The following BEAN1 variants were observed in gnomAD, a reference collection of about 807,000 sequenced individuals.
BEAN1 encodes brain expressed associated with NEDD4 1.
In BEAN1, 17 loss-of-function variants were observed where a neutral mutation model predicts 17.7. That is an observed-to-expected ratio of 0.96 (90% CI 0.66 to 1.44). BEAN1 has a LOEUF of 1.44. Among genes scored for constraint, BEAN1 ranks in the 40% most tolerant of loss-of-function variants. BEAN1 has a pLI of 0.00. For missense variants in BEAN1, 359 were observed against 374.1 expected, an observed-to-expected ratio of 0.96 and a Z score of 0.33; for synonymous variants, 142 against 151.8, an observed-to-expected ratio of 0.94 and a Z score of 0.47.
intron 2 of BEAN1, among the ~76,000 whole-genome samples, chr16:66,438,903 C>T (rs972039096): frequency 2.0e-5 from 3 of 152,146 alleles, no homozygotes; most frequent in Non-Finnish European, 4.4e-5. Flanking sequence ...TCTGTGAAAT[C>T]AGAGACCCTA....
intron 1 of BEAN1, among the ~76,000 whole-genome samples, chr16:66,437,209 A>C (rs1289641563): frequency 6.6e-6 from 1 of 152,192 alleles, no homozygotes; most frequent in African/African-American, 2.4e-5. Context: ...TCCAGGTCTC[A>C]GTGTTCCCAG....
At chr16:66,453,573 G>A (rs1248602865) in intron 2 of BEAN1, among the ~76,000 whole-genome samples, 1 of 152,090 alleles carries the variant, frequency 6.6e-6, no homozygotes, top group East Asian at 1.9e-4. Flanking sequence ...TGTTGCCCAA[G>A]CTGGTGTCAA....
chr16:66,449,180 G>T (rs1962572227), intron 2 of BEAN1, among the ~76,000 whole-genome samples: 2 of 151,870 alleles, frequency 1.3e-5, no homozygotes, highest in South Asian at 2.1e-4. Context: ...TTTCTTTCAG[G>T]TCTGGCTACT....
rs368132312 is a variant in BEAN1, at chr16:66,463,360, C to T, written c.26-6242C>T. On this transcript the variant is annotated intron_variant, in intron 2 of 4. Coordinates refer to ENST00000536005, the MANE Select transcript of BEAN1 (RefSeq NM_001178020.3). ...TCCTACTGGGTGTGAAATGGTATCT[C>T]ATTGTGGCTTTGATTTGCATTTCTC... 2.0e-5 allele frequency among the ~76,000 whole-genome samples: 3 copies of T among 152,302 alleles called. No homozygotes were observed. In the South Asian group the frequency reaches 6.2e-4, roughly 32 times the overall value.
rs1963489648 is a variant in BEAN1, at chr16:66,471,699, A to G, written c.289+1834A>G. On this transcript the variant is annotated intron_variant, in intron 3 of 4. Transcript: ENST00000536005. This position sits in a 1 kb window ranked among gnomAD's most constrained non-coding sequence, Gnocchi z 4.7. ...AGTGGACTGTTCTCACTGTCCAACA[A>G]TGAGGATCAAAGAGAAAGTTCAGCA... 1.3e-5 allele frequency among the ~76,000 whole-genome samples: 2 copies of G among 152,230 alleles called. No individual in the cohort carries two copies. The highest frequency in any genetic ancestry group is 2.9e-5 in the Non-Finnish European group (2 of 68,040).
rs968517957 is a variant in BEAN1 at position 66,440,591 on chromosome 16, T to G, written c.25+2890T>G. ...GCAGGGATTCTCCCTGCACCTGCCC[T>G]GGGATGCTGGGCCCCCAGGGCTCCA... On this transcript the variant is annotated intron_variant, in intron 2 of 4. Coordinates refer to ENST00000536005, the MANE Select transcript of BEAN1 (RefSeq NM_001178020.3). 5.9e-5 allele frequency among the ~76,000 whole-genome samples: 9 copies of G among 152,230 alleles called. No individual in the cohort carries two copies. The East Asian group carries it at 1.5e-3, about 26-fold the overall frequency.
At chr16:66,435,216 A>C (rs1961967572) in intron 1 of BEAN1, among the ~76,000 whole-genome samples, 1 of 152,150 alleles carries the variant, frequency 6.6e-6, no homozygotes, top group South Asian at 2.1e-4. Context: ...TGTCCCTGGC[A>C]GTAACTGAGA....
intron 3 of BEAN1, 40 bp downstream of exon 3, chr16:66,469,905 G>A (rs1194607974): frequency 1.3e-6 from 2 of 1,521,866 alleles, no homozygotes; most frequent in East Asian, 4.9e-5. Flanking sequence ...GACCTCATCT[G>A]ACTGGGATTG....
At chr16:66,462,140 G>C (rs1211702977) in intron 2 of BEAN1, among the ~76,000 whole-genome samples, 1 of 152,204 alleles carries the variant, frequency 6.6e-6, no homozygotes, top group African/African-American at 2.4e-5. Flanking sequence ...AGATTCACCA[G>C]ACAAGGACTA....
intron 1 of BEAN1, among the ~76,000 whole-genome samples, chr16:66,433,895 G>A (rs918256754): frequency 4.6e-5 from 7 of 152,304 alleles, no homozygotes; most frequent in South Asian, 2.1e-4. Flanking sequence ...AGACACTGGC[G>A]CGTCAGCAGA....
At chr16:66,433,837 C>G (rs565382533) in intron 1 of BEAN1, among the ~76,000 whole-genome samples, 1 of 152,162 alleles carries the variant, frequency 6.6e-6, no homozygotes, top group East Asian at 1.9e-4. Flanking sequence ...TGAGGCTGGC[C>G]GCTCCTGGGG....
intron 2 of BEAN1, among the ~76,000 whole-genome samples, chr16:66,454,122 T>C (rs1343247073): frequency 1.3e-5 from 2 of 152,224 alleles, no homozygotes; most frequent in African/African-American, 4.8e-5. Context: ...TTTTGTATGA[T>C]TTAAATCTTT....
chr16:66,449,256 C>T (rs548103059), intron 2 of BEAN1, among the ~76,000 whole-genome samples: 2 of 152,308 alleles, frequency 1.3e-5, no homozygotes, highest in Admixed American at 1.3e-4. Context: ...GCCTGGGCAA[C>T]AGAGCAAGAC....
At chr16:66,467,173 A>T (rs1025798745) in intron 2 of BEAN1, among the ~76,000 whole-genome samples, 4 of 152,234 alleles carry the variant, frequency 2.6e-5, no homozygotes, top group Non-Finnish European at 5.9e-5. Flanking sequence ...ACATGTTCTT[A>T]CGCTAAAGAC....
chr16:66,437,558 T>C (rs1349789810), intron 1 of BEAN1, 37 bp from the exon 2 acceptor site: 3 of 1,246,008 alleles, frequency 2.4e-6, no homozygotes, highest in African/African-American at 1.5e-5. Context: ...GGGTGCGCCA[T>C]GGGCCCCCCA....
Position 66,437,527 on chromosome 16 carries a change from C to T in BEAN1, c.-82-68C>T, listed in dbSNP as rs1265894824. ...AGGTTGACAGCTCAGGAGATGTGAG[C>T]GCCCAGCCTGCAGGGGCTGTGGGTG... On this transcript the variant is annotated intron_variant, in intron 1 of 4. Coordinates refer to ENST00000536005, the MANE Select transcript of BEAN1 (RefSeq NM_001178020.3). 12 of 901,994 alleles carry T rather than the reference C, an allele frequency of 1.3e-5. No individual in the cohort carries two copies. The South Asian group carries it at 1.4e-4, about 10-fold the overall frequency. The allele number at this position is 901,994 out of a possible 1,614,324, so 55.9% of individuals were successfully genotyped here. A position where few individuals can be genotyped will look rare whatever the true frequency, so the allele number is the denominator to read the frequency against.
intron 1 of BEAN1, among the ~76,000 whole-genome samples, chr16:66,436,294 G>A (rs1262876820): frequency 1.5e-5 from 2 of 133,212 alleles, no homozygotes; most frequent in African/African-American, 5.5e-5. Flanking sequence ...TTGAGACAGA[G>A]TCTCGCTCTG....
chr16:66,472,186 A>G (rs541403115), intron 3 of BEAN1, among the ~76,000 whole-genome samples: 6 of 152,310 alleles, frequency 3.9e-5, no homozygotes, highest in Admixed American at 3.3e-4. Flanking sequence ...CACACCTACC[A>G]GGCAGAGCTG....
chr16:66,447,827 C>T (rs1370770601), intron 2 of BEAN1, among the ~76,000 whole-genome samples: 5 of 152,166 alleles, frequency 3.3e-5, no homozygotes, highest in Non-Finnish European at 7.3e-5. Context: ...AAACTTAGTC[C>T]AGAAAGGAAT....
Sources: allele counts gnomAD v4.1 joint callset (sites outside exome capture counted in the v4.1 genomes callset), GRCh38; gene constraint gnomAD v4.1.1; non-coding constraint Gnocchi (gnomAD v3.1); transcripts MANE v1.5; gene names NCBI Gene and HGNC (gene_info 2026-07-23, HGNC 2026-07-21).